Variants in MLLT10 observed in about 807,000 individuals in gnomAD.
MLLT10 encodes the protein MLLT10 histone lysine methyltransferase DOT1L cofactor.
Under a neutral mutation model 129.1 loss-of-function variants are expected in MLLT10, and 30 were observed. The observed-to-expected ratio is 0.23, with a 90% CI of 0.17 to 0.32. The LOEUF (loss-of-function observed/expected upper bound fraction) is 0.32, where lower values mean the gene tolerates loss of function less well. Among genes scored for constraint, MLLT10 ranks in the 10% least tolerant of loss-of-function variants. MLLT10 has a pLI of 1.00. For synonymous variants in MLLT10, 490 were observed against 446.4 expected (o/e 1.10, Z -1.23); for missense variants, 1,119 against 1,268.3 (o/e 0.88, Z 1.79).
chr10:21,695,738 C>A (rs993492998), intron 13 of MLLT10, among the ~76,000 whole-genome samples: 2 of 152,100 alleles, frequency 1.3e-5, no homozygotes, highest in Non-Finnish European at 2.9e-5. Context: ...TATATCCCTT[C>A]AGAAAAGTTT....
chr10:21,551,423 C>A (rs1489382585), intron 3 of MLLT10, among the ~76,000 whole-genome samples: 1 of 145,992 alleles, frequency 6.8e-6, no homozygotes, highest in African/African-American at 2.5e-5. Context: ...TTTGTTACTG[C>A]TGACTCATAA....
At chr10:21,714,968 T>A (rs2056424980) in intron 14 of MLLT10, among the ~76,000 whole-genome samples, 1 of 152,046 alleles carries the variant, frequency 6.6e-6, no homozygotes, top group African/African-American at 2.4e-5. Flanking sequence ...ATTTCCAAAG[T>A]ATTTTTTTTA....
intron 3 of MLLT10, among the ~76,000 whole-genome samples, chr10:21,566,395 C>G (rs913413579): frequency 2.7e-5 from 4 of 146,710 alleles, no homozygotes; most frequent in Non-Finnish European, 6.0e-5. Context: ...GTGGCTCAAT[C>G]TTGGCCCACT....
intron 8 of MLLT10, among the ~76,000 whole-genome samples, chr10:21,621,865 A>G (rs1029628567): frequency 6.6e-6 from 1 of 152,252 alleles, no homozygotes; most frequent in African/African-American, 2.4e-5. Context: ...TAAAAATACT[A>G]TTTATCGAAG....
intron 3 of MLLT10, among the ~76,000 whole-genome samples, chr10:21,583,235 A>G (rs2041653907): frequency 6.6e-6 from 1 of 152,204 alleles, no homozygotes; most frequent in Non-Finnish European, 1.5e-5. Context: ...GAGGACAGAT[A>G]CAAATAGATA....
chr10:21,687,572 A>G (rs2053429811), intron 13 of MLLT10, among the ~76,000 whole-genome samples: 1 of 152,220 alleles, frequency 6.6e-6, no homozygotes, highest in African/African-American at 2.4e-5. Context: ...ATGCTTATAC[A>G]GTAAACTGTC....
chr10:21,685,082 A>G (rs982796226), intron 13 of MLLT10, among the ~76,000 whole-genome samples: 2 of 151,660 alleles, frequency 1.3e-5, no homozygotes, highest in Non-Finnish European at 2.9e-5. Context: ...ACTTCCTCCA[A>G]TTGATTTCTA....
At chr10:21,655,548 C>T (rs1180795870) in intron 9 of MLLT10, among the ~76,000 whole-genome samples, 3 of 151,930 alleles carry the variant, frequency 2.0e-5, no homozygotes, top group East Asian at 1.9e-4. Flanking sequence ...GCCATTTAAA[C>T]GTATTAAAAT....
chr10:21,718,571 A>G (rs1481357970), intron 14 of MLLT10, among the ~76,000 whole-genome samples: 2 of 152,196 alleles, frequency 1.3e-5, no homozygotes, highest in Non-Finnish European at 1.5e-5. Context: ...CGTTTGAAAT[A>G]CAATCTTCAT....
intron 9 of MLLT10, among the ~76,000 whole-genome samples, chr10:21,665,199 G>A (rs1184828973): frequency 2.0e-5 from 3 of 151,502 alleles, no homozygotes; most frequent in African/African-American, 4.9e-5. Flanking sequence ...ACCTGTGTCG[G>A]CCTCTTAAAG....
In MLLT10 at chr10:21,691,982, T is replaced by C. The variant is rs1341958691; in HGVS notation, c.1699+9725T>C. Among the ~76,000 whole-genome samples, 3 of 120,586 alleles carry C rather than the reference T, an allele frequency of 2.5e-5. No homozygotes were observed. In the East Asian group the frequency reaches 6.8e-4, roughly 27 times the overall value. The allele number at this position is 120,586 out of a possible 152,430, so 79.1% of individuals were successfully genotyped here. On this transcript the variant is annotated intron_variant, in intron 13 of 22. Transcript: ENST00000307729. Reference sequence around the variant, plus strand: ...GAGTTCAAGACCATCCTGGCCATCATGGTGAAACCTCATATCTACAAAAAA... The same window carrying C: ...GAGTTCAAGACCATCCTGGCCATCACGGTGAAACCTCATATCTACAAAAAA...
At chr10:21,740,294 G>T in intron 22 of MLLT10, 58 bp downstream of exon 22, 1 of 1,547,744 alleles carries the variant, frequency 6.5e-7, no homozygotes, top group Non-Finnish European at 8.9e-7. Flanking sequence ...ATTAATCGGA[G>T]ATGATCATTT....
intron 4 of MLLT10, among the ~76,000 whole-genome samples, chr10:21,593,926 TAAAAA>T (rs61561146): frequency 1.1e-4 from 5 of 45,408 alleles, no homozygotes; most frequent in African/African-American, 3.2e-4. Flanking sequence ...GCTTTGTCTT[TAAAAA>T]AAAAAAAAAA....
chr10:21,646,493 GT>G (rs1156553638), intron 8 of MLLT10, among the ~76,000 whole-genome samples: 3 of 148,278 alleles, frequency 2.0e-5, no homozygotes, highest in Non-Finnish European at 4.5e-5. Flanking sequence ...TTTTTTTTAG[GT>G]TTTGGTTATG....
At chr10:21,591,273 G>A (rs2042473874) in intron 4 of MLLT10, among the ~76,000 whole-genome samples, 1 of 152,156 alleles carries the variant, frequency 6.6e-6, no homozygotes, top group Admixed American at 6.6e-5. Context: ...TGCCCAGGCT[G>A]GTCTCAAACT....
At chr10:21,734,900 CTATT>C (rs1158006554) in intron 20 of MLLT10, among the ~76,000 whole-genome samples, 4 of 152,172 alleles carry the variant, frequency 2.6e-5, no homozygotes, top group Admixed American at 1.3e-4. Context: ...GAGTTAGGGC[CTATT>C]TGTTTTATAA....
Position 21,535,293 on chromosome 10 carries a change from C to T in MLLT10, c.160+489C>T, listed in dbSNP as rs1027434736. Among the ~76,000 whole-genome samples the T allele has an allele frequency of 2.0e-5, 3 of 152,218 alleles. No homozygotes were observed. In the South Asian group the frequency reaches 6.2e-4, roughly 32 times the overall value. On this transcript the variant is annotated intron_variant, in intron 2 of 22. Transcript: ENST00000307729. Reference sequence around the variant, plus strand: ...GGAGACGGGCTCGGGAACGCGGCGCCAGTGTGGGGAGGCTGGGGGTCGCCT... The same window carrying T: ...GGAGACGGGCTCGGGAACGCGGCGCTAGTGTGGGGAGGCTGGGGGTCGCCT...
intron 9 of MLLT10, among the ~76,000 whole-genome samples, chr10:21,656,675 T>C (rs1397535601): frequency 2.0e-5 from 3 of 152,228 alleles, no homozygotes; most frequent in Admixed American, 6.5e-5. Context: ...TTCAATATTA[T>C]GTTATTAATG....
chr10:21,593,381 G>C lies in MLLT10; in HGVS notation c.296-1950G>C, dbSNP rs191988399. Among the ~76,000 whole-genome samples the C allele has an allele frequency of 8.0e-3, 1,219 of 152,120 alleles. 3 individuals carry two copies. Among genetic ancestry groups the C allele is most frequent in the Non-Finnish European group, 0.013 (891 of 68,000 alleles). On this transcript the variant is annotated intron_variant, in intron 4 of 22. Coordinates refer to ENST00000307729, the MANE Select transcript of MLLT10 (RefSeq NM_001195626.3). ...TGGGCTTACGGGTGTGAGCCCCTGTGCCTGGCTGATTTCTAAATTTCCTCT... is the reference window on the plus strand; with the variant it reads ...TGGGCTTACGGGTGTGAGCCCCTGTCCCTGGCTGATTTCTAAATTTCCTCT...
Sources: allele counts gnomAD v4.1 joint callset (sites outside exome capture counted in the v4.1 genomes callset), GRCh38; gene constraint gnomAD v4.1.1; transcripts MANE v1.5; gene names NCBI Gene and HGNC (gene_info 2026-07-23, HGNC 2026-07-21).